CIMIP2A: variants seen among roughly 807,000 people sequenced by gnomAD.
CIMIP2A encodes family with sequence similarity 166 member A.
At chr9:137,248,229 C>T in the CIMIP2A span, among the ~76,000 whole-genome samples, 1 of 152,080 alleles carries the variant, frequency 6.6e-6, no homozygotes, top group Admixed American at 6.6e-5. Context: ...TTTTTTTGTA[C>T]AGGAAGGACT....
the CIMIP2A span, chr9:137,251,704 G>A: frequency 6.4e-7 from 1 of 1,551,732 alleles, no homozygotes; most frequent in Non-Finnish European, 8.7e-7. Flanking sequence ...GAGCGGCCGG[G>A]GGCTGAGACA....
the CIMIP2A span, chr9:137,245,252 G>A: frequency 2.0e-5 from 31 of 1,577,196 alleles, no homozygotes; most frequent in African/African-American, 3.9e-4. Flanking sequence ...TCACGGTGCA[G>A]CTCCCACCTG....
the CIMIP2A span, chr9:137,245,907 G>A: frequency 1.5e-6 from 2 of 1,379,028 alleles, no homozygotes; most frequent in African/African-American, 2.9e-5. Flanking sequence ...CCCCAGCACT[G>A]GGCAGGGCCC....
At chr9:137,252,081 C>A in the CIMIP2A span, 1 of 1,612,718 alleles carries the variant, frequency 6.2e-7, no homozygotes, top group South Asian at 1.1e-5. Context: ...CCCGTCCGTA[C>A]GAGAGTCCTC....
At chr9:137,250,971 G>A in the CIMIP2A span, 1 of 383,976 alleles carries the variant, frequency 2.6e-6, no homozygotes, top group South Asian at 2.2e-5. Context: ...TGAGGCCTCA[G>A]TCCTCCCAGA....
the CIMIP2A span, among the ~76,000 whole-genome samples, chr9:137,253,911 C>A: frequency 6.6e-6 from 1 of 152,204 alleles, no homozygotes; most frequent in Non-Finnish European, 1.5e-5. Context: ...GGCTTAGTCA[C>A]CTGTGCCCTG....
At chr9:137,249,834 C>A in the CIMIP2A span, among the ~76,000 whole-genome samples, 1 of 152,180 alleles carries the variant, frequency 6.6e-6, no homozygotes, top group Non-Finnish European at 1.5e-5. Flanking sequence ...TACAATAAAC[C>A]AGTAAACGTC....
chr9:137,251,463 TG>T, the CIMIP2A span: 1 of 1,151,232 alleles, frequency 8.7e-7, no homozygotes, highest in Non-Finnish European at 1.2e-6. Context: ...AGGGACAGTG[TG>T]GGGGGCAGGT....
chr9:137,247,355 C>A, the CIMIP2A span, among the ~76,000 whole-genome samples: 11 of 152,246 alleles, frequency 7.2e-5, no homozygotes, highest in African/African-American at 2.4e-4. Context: ...CACTTACTAG[C>A]CGGCCTCTGC....
the CIMIP2A span, chr9:137,253,635 A>C: frequency 3.2e-6 from 2 of 632,988 alleles, no homozygotes; most frequent in South Asian, 4.1e-5. Flanking sequence ...CCTGTGACTG[A>C]CCCTGAGCTC....
At chr9:137,254,676 G>A in the CIMIP2A span, among the ~76,000 whole-genome samples, 1 of 152,202 alleles carries the variant, frequency 6.6e-6, no homozygotes, top group South Asian at 2.1e-4. Flanking sequence ...AGGGCGGCGG[G>A]CTGGAGAGGC....
chr9:137,252,796 C>T, the CIMIP2A span: 1 of 1,563,090 alleles, frequency 6.4e-7, no homozygotes. Context: ...GGGGGCTGGG[C>T]CTCAGGGTGC....
the CIMIP2A span, chr9:137,244,673 A>C: frequency 6.2e-7 from 1 of 1,613,814 alleles, no homozygotes; most frequent in South Asian, 1.1e-5. Context: ...CATGGCTTGC[A>C]TGACGCCGTC....
the CIMIP2A span, chr9:137,247,856 T>C: frequency 1.3e-6 from 1 of 757,706 alleles, no homozygotes; most frequent in South Asian, 1.6e-5. Flanking sequence ...TCGCTAACCC[T>C]GTGAGGGCCC....
At chr9:137,253,801 C>T in the CIMIP2A span, among the ~76,000 whole-genome samples, 2 of 152,328 alleles carry the variant, frequency 1.3e-5, no homozygotes, top group Non-Finnish European at 2.9e-5. Context: ...CCGCCACCTC[C>T]AGGTGGGGTC....
the CIMIP2A span, chr9:137,250,646 T>G: frequency 6.5e-6 from 1 of 154,846 alleles, no homozygotes; most frequent in Non-Finnish European, 1.4e-5. Flanking sequence ...TGGCTGTTCC[T>G]TTGCAGCTCT....
At chr9:137,245,237 G>C in the CIMIP2A span, 2 of 1,574,972 alleles carry the variant, frequency 1.3e-6, no homozygotes, top group Admixed American at 1.9e-5. Context: ...GGGAGGAAGC[G>C]GAGGTCACGG....
the CIMIP2A span, chr9:137,247,676 G>A: frequency 2.5e-6 from 4 of 1,613,326 alleles, no homozygotes; most frequent in Non-Finnish European, 3.4e-6. Context: ...ACATAGTGAG[G>A]CTCCGGCGTG....
chr9:137,248,608 C>T, the CIMIP2A span, among the ~76,000 whole-genome samples: 1,843 of 150,934 alleles, frequency 0.012, 73 homozygotes, highest in East Asian at 0.14. Context: ...CCTATAATTG[C>T]GGTGCTTTCG....
Sources: gnomAD v4.1 joint callset for allele counts (sites outside exome capture counted in the v4.1 genomes callset) on GRCh38, gnomAD v4.1.1 for gene constraint, MANE v1.5 for transcripts, NCBI Gene and HGNC (gene_info 2026-07-23, HGNC 2026-07-21) for gene names.